AK4: variants seen among roughly 807,000 people sequenced by gnomAD.
AK4 encodes adenylate kinase 4.
In AK4, 13 loss-of-function variants were observed where a neutral mutation model predicts 24.6. That is an observed-to-expected ratio of 0.53 (90% CI 0.34 to 0.84). The LOEUF (loss-of-function observed/expected upper bound fraction) is 0.84, where lower values mean the gene tolerates loss of function less well. Ranked by LOEUF, AK4 falls within the 40% of genes least tolerant of loss-of-function variation. The pLI, the probability that AK4 is intolerant of heterozygous loss-of-function variation, is 0.01. For synonymous variants in AK4, 88 were observed against 107.0 expected, an observed-to-expected ratio of 0.82 and a Z score of 1.10; for missense variants, 192 against 288.2, an observed-to-expected ratio of 0.67 and a Z score of 2.42.
intron 1 of AK4, among the ~76,000 whole-genome samples, chr1:65,158,574 C>T (rs1189532674): frequency 6.6e-6 from 1 of 152,148 alleles, no homozygotes; most frequent in Non-Finnish European, 1.5e-5. Context: ...GATCTTGGCT[C>T]ACTGCAACCT....
At chr1:65,180,220 G>A (rs1650852159) in intron 1 of AK4, among the ~76,000 whole-genome samples, 2 of 152,170 alleles carry the variant, frequency 1.3e-5, no homozygotes, top group Admixed American at 1.3e-4. Flanking sequence ...GGCTGAGGAA[G>A]GAGGATCACT....
In AK4 at chr1:65,148,387, G is replaced by A. The variant is rs758157637; in HGVS notation, c.-21G>A. On this transcript the variant is annotated 5_prime_UTR_variant, in exon 1 of 5. Transcript: ENST00000327299. ...CGCGGTCGGGGCTGCGCGTTTGACC[G>A]CCCCCCTCCTCGCGAAGGCAATGGC... 53 of 1,522,908 alleles carry A rather than the reference G, an allele frequency of 3.5e-5. No homozygotes were observed. The highest frequency in any genetic ancestry group is 3.8e-5 in the Non-Finnish European group (43 of 1,136,078). The allele number at this position is 1,522,908 out of a possible 1,614,324, so 94.3% of individuals were successfully genotyped here.
At position 65,209,067 on chromosome 1, in the gene AK4, A is replaced by G. The variant is rs796977473; in HGVS notation, c.266-9687A>G. 2.0e-5 allele frequency among the ~76,000 whole-genome samples: 3 copies of G among 152,246 alleles called. No homozygotes were observed. In the South Asian group the frequency reaches 6.2e-4, roughly 31 times the overall value. On this transcript the variant is annotated intron_variant, in intron 2 of 4. Coordinates refer to ENST00000327299, the MANE Select transcript of AK4 (RefSeq NM_013410.4). The stretch of plus-strand genomic sequence containing the variant: ...ACAAGACAGATTCTGGAAGAAATTT[A>G]AAAATATAAAATTTCAGCTTTCAAT...
At chr1:65,162,740 C>T (rs1283353493) in intron 1 of AK4, among the ~76,000 whole-genome samples, 1 of 151,960 alleles carries the variant, frequency 6.6e-6, no homozygotes, top group Non-Finnish European at 1.5e-5. Flanking sequence ...AAACGATCAC[C>T]ACTATCTAAT....
intron 4 of AK4, among the ~76,000 whole-genome samples, 186 bp downstream of exon 4, chr1:65,225,056 T>A (rs567923618): frequency 1.2e-4 from 18 of 152,352 alleles, no homozygotes; most frequent in African/African-American, 4.3e-4. Context: ...TCAATACTTT[T>A]ATCCTGAAAC....
At chr1:65,206,475 G>A (rs1444486935) in intron 2 of AK4, among the ~76,000 whole-genome samples, 1 of 152,238 alleles carries the variant, frequency 6.6e-6, no homozygotes, top group Non-Finnish European at 1.5e-5. Flanking sequence ...CAGGCCGGAC[G>A]CGGTGGCTTG....
intron 2 of AK4, among the ~76,000 whole-genome samples, chr1:65,196,631 A>AT (rs891945237): frequency 2.0e-5 from 3 of 151,874 alleles, no homozygotes; most frequent in Non-Finnish European, 2.9e-5. Context: ...TGCCTGGCTA[A>AT]TTTTTTGTAT....
intron 1 of AK4, among the ~76,000 whole-genome samples, chr1:65,150,798 G>C (rs377196740): frequency 1.3e-5 from 2 of 152,082 alleles, no homozygotes; most frequent in East Asian, 1.9e-4. Flanking sequence ...CCGGCCATCT[G>C]CTCCAGCCTG....
intron 2 of AK4, among the ~76,000 whole-genome samples, chr1:65,195,277 A>C (rs914186085): frequency 1.3e-5 from 2 of 152,162 alleles, no homozygotes. Flanking sequence ...TCATCTCTTA[A>C]AGGCCCCACC....
intron 2 of AK4, among the ~76,000 whole-genome samples, chr1:65,202,459 A>G (rs1651690067): frequency 6.6e-6 from 1 of 152,184 alleles, no homozygotes; most frequent in Non-Finnish European, 1.5e-5. Flanking sequence ...TTAGATCTAC[A>G]TTTGACATTA....
intron 1 of AK4, among the ~76,000 whole-genome samples, chr1:65,172,088 TATATATATATA>T (rs1650550713): frequency 1.7e-5 from 2 of 117,360 alleles, no homozygotes; most frequent in African/African-American, 5.5e-5. Context: ...TATATATATA[TATATATATATA>T]TATATTTAAA....
At chr1:65,152,583 G>T (rs1054683965) in intron 1 of AK4, among the ~76,000 whole-genome samples, 1 of 150,818 alleles carries the variant, frequency 6.6e-6, no homozygotes, top group Non-Finnish European at 1.5e-5. Flanking sequence ...TGTATTTTTG[G>T]TGGAGATGGG....
intron 2 of AK4, among the ~76,000 whole-genome samples, chr1:65,199,249 C>G (rs921882944): frequency 3.3e-5 from 5 of 151,930 alleles, no homozygotes; most frequent in African/African-American, 1.2e-4. Context: ...GTTTGGTTTG[C>G]ATAAAAAAAT....
rs1557444574 is a variant in AK4 at position 65,172,098 on chromosome 1, TA to T, written c.146-18611del. 5.8e-4 allele frequency among the ~76,000 whole-genome samples: 61 copies of T among 104,424 alleles called. 4 individuals carry two copies. The highest frequency in any genetic ancestry group is 1.8e-3 in the East Asian group (7 of 3,888). 68.5% of individuals were successfully genotyped at this position (104,424 alleles called of 152,430 possible). A position where few individuals can be genotyped will look rare whatever the true frequency, so the allele number is the denominator to read the frequency against. On this transcript the variant is annotated intron_variant, in intron 1 of 4. Transcript: ENST00000327299. ...ATATATATATATATATATATATATA[TA>T]TATATTTAAACTCATTACACTTCCC...
At chr1:65,218,714 C>G (rs752098463) in intron 2 of AK4, 40 bp from the exon 3 acceptor site, 5 of 1,535,072 alleles carry the variant, frequency 3.3e-6, no homozygotes, top group Non-Finnish European at 4.4e-6. Context: ...TGGAACTGGG[C>G]AATAGCTTGC....
intron 1 of AK4, among the ~76,000 whole-genome samples, chr1:65,172,210 G>A (rs1044575900): frequency 6.6e-6 from 1 of 150,510 alleles, no homozygotes; most frequent in Non-Finnish European, 1.5e-5. Flanking sequence ...GATGCCAGAC[G>A]TTGCTGCCTT....
upstream of AK4, chr1:65,147,869 C>T (rs1031838782): frequency 6.6e-6 from 1 of 152,160 alleles, no homozygotes; most frequent in Non-Finnish European, 1.5e-5. Flanking sequence ...CACACGTTGC[C>T]CACGTGCGAG....
At chr1:65,215,910 GCT>G (rs1652115434) in intron 2 of AK4, among the ~76,000 whole-genome samples, 1 of 152,098 alleles carries the variant, frequency 6.6e-6, no homozygotes, top group African/African-American at 2.4e-5. Flanking sequence ...CCCGCTCCCA[GCT>G]CTCAACCTCT....
At chr1:65,176,375 G>T (rs549814296) in intron 1 of AK4, among the ~76,000 whole-genome samples, 1 of 152,236 alleles carries the variant, frequency 6.6e-6, no homozygotes, top group South Asian at 2.1e-4. Flanking sequence ...GAGTGAAGAG[G>T]CCTCATGAAG....
Sources: gnomAD v4.1 joint callset for allele counts (sites outside exome capture counted in the v4.1 genomes callset) on GRCh38, gnomAD v4.1.1 for gene constraint, MANE v1.5 for transcripts, NCBI Gene and HGNC (gene_info 2026-07-23, HGNC 2026-07-21) for gene names.